The following PMS1 variants were observed in gnomAD, a reference collection of about 807,000 sequenced individuals.
PMS1 encodes PMS1 homolog 1, mismatch repair system component.
Under a neutral mutation model 93.1 loss-of-function variants are expected in PMS1, and 79 were observed. That is an observed-to-expected ratio of 0.85 (90% confidence interval 0.71 to 1.02). PMS1 has a LOEUF of 1.02. Ranked by LOEUF, PMS1 falls within the 50% of genes least tolerant of loss-of-function variation. The pLI, the probability that PMS1 is intolerant of heterozygous loss-of-function variation, is 0.00. For missense variants in PMS1, 1,064 were observed against 1,085.3 expected (o/e 0.98, Z 0.28); for synonymous variants, 335 against 363.4 (o/e 0.92, Z 0.89).
Position 189,791,901 on chromosome 2 carries a change from A to C in PMS1, c.92A>C (p.Asn31Thr). Residue 31 changes from asparagine (N) to threonine (T), a missense_variant, in exon 2 of 13, where the codon AAC (asparagine) becomes ACC (threonine). Coordinates refer to ENST00000441310, the MANE Select transcript of PMS1 (RefSeq NM_000534.5). ...VVSVVKELIE[N>T]SLDAGATSVD... ...AGTGTTGTAAAAGAGCTTATTGAAA[A>C]CTCCTTGGATGCTGGTGCCACAAGC... The C allele has an allele frequency of 1.2e-6, 2 of 1,613,518 alleles. No homozygotes were observed. The highest frequency in any genetic ancestry group is 1.1e-5 in the South Asian group (1 of 91,042).
intron 9 of PMS1, 133 bp from the exon 10 acceptor site, chr2:189,863,610 G>A: frequency 1.5e-6 from 1 of 680,632 alleles, no homozygotes; most frequent in South Asian, 1.9e-5. Context: ...ATGCAGGAGA[G>A]TTAGTCTAAT....
chr2:189,802,309 A>G (rs1279541210), intron 3 of PMS1, among the ~76,000 whole-genome samples: 1 of 152,206 alleles, frequency 6.6e-6, no homozygotes, highest in African/African-American at 2.4e-5. Context: ...CATATTTTGT[A>G]TGTTGCATGT....
In PMS1 at chr2:189,863,726, T is replaced by G. The variant is rs1273770443; in HGVS notation, c.1857-17T>G. The G allele has an allele frequency of 6.5e-7, 1 of 1,545,484 alleles. No individual in the cohort carries two copies. On this transcript the variant is annotated splice_polypyrimidine_tract_variant and intron_variant, in intron 9 of 12. Coordinates refer to ENST00000441310, the MANE Select transcript of PMS1 (RefSeq NM_000534.5). Reference sequence around the variant, plus strand: ...CTGATTATGATCTCATTAGTTCTATTTTATTTCTATTCTTAGATATGAAGA... The same window carrying G: ...CTGATTATGATCTCATTAGTTCTATGTTATTTCTATTCTTAGATATGAAGA...
intron 5 of PMS1, among the ~76,000 whole-genome samples, chr2:189,823,734 A>G (rs1157821509): frequency 6.6e-6 from 1 of 152,034 alleles, no homozygotes; most frequent in Non-Finnish European, 1.5e-5. Flanking sequence ...TTAGGGGTGT[A>G]TCGTTTCCCA....
At chr2:189,825,356 C>T (rs749597756) in intron 5 of PMS1, among the ~76,000 whole-genome samples, 4 of 152,140 alleles carry the variant, frequency 2.6e-5, no homozygotes, top group African/African-American at 4.8e-5. Context: ...ATGAGCACTA[C>T]AGAAGCTTTA....
intron 4 of PMS1, among the ~76,000 whole-genome samples, chr2:189,810,151 A>G (rs1006410845): frequency 2.0e-5 from 3 of 152,186 alleles, no homozygotes; most frequent in African/African-American, 4.8e-5. Flanking sequence ...TTCAGAAAAG[A>G]TGACGTTTGA....
chr2:189,854,110 A>G (rs765329211), intron 8 of PMS1, 28 bp downstream of exon 8: 2 of 1,512,494 alleles, frequency 1.3e-6, no homozygotes, highest in East Asian at 2.3e-5. Flanking sequence ...ATTTTTTCTT[A>G]TGCTATTTAT....
intron 6 of PMS1, among the ~76,000 whole-genome samples, chr2:189,848,490 A>G (rs780065174): frequency 1.7e-4 from 26 of 152,116 alleles, no homozygotes; most frequent in Non-Finnish European, 3.2e-4. Context: ...TTTTCCTCCC[A>G]TCTGTTTTGA....
intron 6 of PMS1, among the ~76,000 whole-genome samples, chr2:189,846,631 A>G (rs1056526014): frequency 6.6e-6 from 1 of 152,164 alleles, no homozygotes; most frequent in East Asian, 1.9e-4. Flanking sequence ...GTGAGCTATG[A>G]TCATGCCACT....
At chr2:189,845,017 C>T (rs1322545654) in intron 6 of PMS1, among the ~76,000 whole-genome samples, 1 of 151,932 alleles carries the variant, frequency 6.6e-6, no homozygotes, top group Non-Finnish European at 1.5e-5. Context: ...GCCACCACAC[C>T]CAGCTAATTT....
intron 11 of PMS1, among the ~76,000 whole-genome samples, chr2:189,872,123 T>G (rs1261150623): frequency 6.6e-6 from 1 of 152,096 alleles, no homozygotes; most frequent in African/African-American, 2.4e-5. Flanking sequence ...AACATTAGAT[T>G]TGGAGGGGAC....
intron 4 of PMS1, chr2:189,807,117 A>G (rs1274892651): frequency 5.8e-6 from 1 of 172,022 alleles, no homozygotes; most frequent in African/African-American, 2.4e-5. Context: ...CTGGTACCAA[A>G]TTCTCTCACT....
chr2:189,801,578 A>G (rs1368637836), intron 3 of PMS1, among the ~76,000 whole-genome samples: 1 of 152,268 alleles, frequency 6.6e-6, no homozygotes, highest in Non-Finnish European at 1.5e-5. Context: ...TGGATTTTAC[A>G]TGGAGGCTGG....
At chr2:189,794,115 CATTT>C (rs2049130823) in intron 2 of PMS1, among the ~76,000 whole-genome samples, 1 of 151,886 alleles carries the variant, frequency 6.6e-6, no homozygotes, top group South Asian at 2.1e-4. Flanking sequence ...TAACTTTATT[CATTT>C]ATTTATTTAT....
rs10210985 is a variant in PMS1 at position 189,816,279 on chromosome 2, T to C, written c.419-1738T>C. ...CAAATACATTTGGGTGCTATACTTC[T>C]GGATCTTTGCAAGTCCAAAAATGTC... is the stretch of plus-strand genomic sequence containing the variant. On this transcript the variant is annotated intron_variant, in intron 4 of 12. Transcript: ENST00000441310. 8.3e-3 allele frequency among the ~76,000 whole-genome samples: 1,264 copies of C among 152,356 alleles called. 14 individuals are homozygous for C. Among genetic ancestry groups the C allele is most frequent in the African/African-American group, 0.029 (1,189 of 41,576 alleles).
At chr2:189,852,583 T>C in intron 6 of PMS1, 72 bp from the exon 7 acceptor site, 25 of 1,334,648 alleles carry the variant, frequency 1.9e-5, no homozygotes, top group Non-Finnish European at 2.7e-5. Context: ...TTTATACCTT[T>C]CAAAGTGTTA....
chr2:189,850,529 A>G (rs372784445), intron 6 of PMS1, among the ~76,000 whole-genome samples: 1 of 152,232 alleles, frequency 6.6e-6, no homozygotes, highest in Non-Finnish European at 1.5e-5. Context: ...CTATACAGCT[A>G]TATCTTAGCA....
intron 3 of PMS1, among the ~76,000 whole-genome samples, chr2:189,799,677 C>T (rs1194006908): frequency 2.0e-5 from 3 of 152,234 alleles, no homozygotes; most frequent in African/African-American, 7.2e-5. Context: ...AGATCCCCCA[C>T]TTCAGGACTG....
In PMS1 at chr2:189,854,079, TAAGGTA is replaced by T; in HGVS notation, c.965_966+4del. On this transcript the variant is annotated splice_donor_variant and splice_donor_region_variant and coding_sequence_variant and intron_variant, in exon 8 of 13. Transcript: ENST00000441310. LOFTEE classifies it high-confidence loss of function. ...ATAAAAGCCAAGTATTATTACAAAA[TAAGGTA>T]ACTCTTTTCAGATAATTTTTTCTTA... 1 of 1,583,406 alleles carries T rather than the reference TAAGGTA, an allele frequency of 6.3e-7. No homozygotes were observed.
Sources: gnomAD v4.1 joint callset for allele counts (sites outside exome capture counted in the v4.1 genomes callset) on GRCh38, gnomAD v4.1.1 for gene constraint, MANE v1.5 for transcripts, NCBI Gene and HGNC (gene_info 2026-07-23, HGNC 2026-07-21) for gene names.